The following SDK1 variants were observed in gnomAD, a reference collection of about 807,000 sequenced individuals.
The protein encoded by SDK1 is protein sidekick-1.
A neutral mutation model predicts 245.5 loss-of-function variants in SDK1; 157 were observed. The ratio of observed to expected loss-of-function variants is 0.64; its 90% confidence interval spans 0.56 to 0.73. The LOEUF (loss-of-function observed/expected upper bound fraction) is 0.73. Ranked by LOEUF, SDK1 falls within the 30% of genes least tolerant of loss-of-function variation. The pLI, the probability that SDK1 is intolerant of heterozygous loss-of-function variation, is 0.00. For synonymous variants in SDK1, 1,647 were observed against 1,278.5 expected (o/e 1.29, Z -6.15); for missense variants, 3,583 against 3,002.3 (o/e 1.19, Z -4.52).
chr7:3,574,205 C>G (rs757482703), intron 1 of SDK1, among the ~76,000 whole-genome samples: 1 of 151,794 alleles, frequency 6.6e-6, no homozygotes, highest in Non-Finnish European at 1.5e-5. Flanking sequence ...CAACCTCCAC[C>G]TCCTAGATTC....
At chr7:3,347,778 C>A (rs1267203444) in intron 1 of SDK1, among the ~76,000 whole-genome samples, 1 of 152,174 alleles carries the variant, frequency 6.6e-6, no homozygotes, top group African/African-American at 2.4e-5. Flanking sequence ...AATGCTACCC[C>A]TGTGGCCTGA....
chr7:3,776,491 C>A (rs959389902), intron 4 of SDK1, among the ~76,000 whole-genome samples: 2 of 152,158 alleles, frequency 1.3e-5, no homozygotes, highest in Non-Finnish European at 2.9e-5. Context: ...CGATCAGATC[C>A]CATTGTTGTG....
intron 15 of SDK1, among the ~76,000 whole-genome samples, chr7:4,011,648 A>C (rs1785975234): frequency 6.6e-6 from 1 of 152,054 alleles, no homozygotes; most frequent in African/African-American, 2.4e-5. Context: ...TCCCCAACCA[A>C]CCTGAGCTTT....
chr7:3,365,919 A>G (rs1021022486), intron 1 of SDK1, among the ~76,000 whole-genome samples: 1 of 152,088 alleles, frequency 6.6e-6, no homozygotes, highest in Non-Finnish European at 1.5e-5. Flanking sequence ...GGCACCGGTA[A>G]TCCCAGCCAC....
chr7:3,544,757 C>T (rs750786062), intron 1 of SDK1, among the ~76,000 whole-genome samples: 1 of 152,298 alleles, frequency 6.6e-6, no homozygotes, highest in South Asian at 2.1e-4. Flanking sequence ...ACAGCACTTA[C>T]CAACCAAGAA....
intron 1 of SDK1, among the ~76,000 whole-genome samples, chr7:3,350,421 C>G (rs1214338102): frequency 6.6e-6 from 1 of 152,142 alleles, no homozygotes; most frequent in African/African-American, 2.4e-5. Context: ...CAGCACATAA[C>G]TGATTATTAT....
At chr7:4,060,333 C>G (rs1779457986) in intron 19 of SDK1, among the ~76,000 whole-genome samples, 1 of 152,098 alleles carries the variant, frequency 6.6e-6, no homozygotes, top group South Asian at 2.1e-4. Flanking sequence ...AAGGACAAAC[C>G]AAACCCAAAA....
chr7:4,187,953 G>GGGA (rs369135486), intron 35 of SDK1, among the ~76,000 whole-genome samples: 1 of 152,148 alleles, frequency 6.6e-6, no homozygotes, highest in Non-Finnish European at 1.5e-5. Context: ...CACGTGGCTG[G>GGGA]GGAAGGTGAA....
chr7:3,704,107 G>A (rs983770394), intron 4 of SDK1, among the ~76,000 whole-genome samples: 2 of 152,002 alleles, frequency 1.3e-5, no homozygotes, highest in Admixed American at 1.3e-4. Context: ...CGTATCCACA[G>A]CTTTGCTTCC....
chr7:4,041,416 G>C (rs554943207), intron 17 of SDK1, among the ~76,000 whole-genome samples: 1 of 152,018 alleles, frequency 6.6e-6, no homozygotes, highest in South Asian at 2.1e-4. Context: ...CACCAGAGTG[G>C]TACCTTTCTT....
intron 4 of SDK1, among the ~76,000 whole-genome samples, chr7:3,677,020 C>G (rs947660680): frequency 6.6e-6 from 1 of 152,160 alleles, no homozygotes; most frequent in Admixed American, 6.5e-5. Context: ...CCAAGGATTC[C>G]TGCACCTCTT....
intron 5 of SDK1, among the ~76,000 whole-genome samples, chr7:3,938,103 C>T (rs774298034): frequency 1.3e-5 from 2 of 152,160 alleles, no homozygotes; most frequent in African/African-American, 4.8e-5. Flanking sequence ...TCCCAAAGTG[C>T]TGGGATTACA....
intron 4 of SDK1, among the ~76,000 whole-genome samples, chr7:3,745,168 C>T (rs924871430): frequency 2.0e-5 from 3 of 152,168 alleles, no homozygotes; most frequent in African/African-American, 7.2e-5. Context: ...TAGGGAAGGT[C>T]CTGTGGTATC....
intron 1 of SDK1, among the ~76,000 whole-genome samples, chr7:3,531,805 G>A (rs1416739651): frequency 6.6e-6 from 1 of 152,176 alleles, no homozygotes; most frequent in Non-Finnish European, 1.5e-5. Flanking sequence ...GTGTTACAGA[G>A]TCATATTTTA....
In SDK1 at chr7:4,126,547, C is replaced by G. The variant is rs1374379087; in HGVS notation, c.3824-834C>G. On this transcript the variant is annotated intron_variant, in intron 25 of 44. Coordinates refer to ENST00000404826, the MANE Select transcript of SDK1 (RefSeq NM_152744.4). ...ACCAGCCTGGCCAACATGGTAAAAC[C>G]CCATCTCTAGTAAAAATTCAAAAAT... Among the ~76,000 whole-genome samples the G allele has an allele frequency of 3.3e-5, 5 of 152,196 alleles. No homozygotes were observed. In the South Asian group the frequency reaches 6.2e-4, roughly 19 times the overall value.
At chr7:3,745,655 C>T (rs1449833500) in intron 4 of SDK1, among the ~76,000 whole-genome samples, 1 of 152,100 alleles carries the variant, frequency 6.6e-6, no homozygotes, top group Non-Finnish European at 1.5e-5. Context: ...GAGGAACTCC[C>T]TCGAGCGACC....
chr7:4,259,360 A>G (rs1426885226), intron 44 of SDK1, among the ~76,000 whole-genome samples: 1 of 152,196 alleles, frequency 6.6e-6, no homozygotes, highest in Admixed American at 6.5e-5. Context: ...GCTTGAACCC[A>G]GGAGGCAGAG....
chr7:4,205,746 G>A (rs573861031), intron 35 of SDK1, 133 bp from the exon 36 acceptor site: 16 of 730,272 alleles, frequency 2.2e-5, no homozygotes, highest in African/African-American at 3.5e-5. Context: ...CCAGGGCGAC[G>A]GCCCAGGGAA....
At chr7:4,149,212 G>A in intron 29 of SDK1, 50 bp from the exon 30 acceptor site, 1 of 1,415,120 alleles carries the variant, frequency 7.1e-7, no homozygotes, top group Non-Finnish European at 9.3e-7. Context: ...GATGTTCCTT[G>A]GGAAGGGCAG....
Sources: gnomAD v4.1 joint callset for allele counts (sites outside exome capture counted in the v4.1 genomes callset) on GRCh38, gnomAD v4.1.1 for gene constraint, MANE v1.5 for transcripts, NCBI Gene and HGNC (gene_info 2026-07-23, HGNC 2026-07-21) for gene names.